The following FANK1 variants were observed in gnomAD, a reference collection of about 807,000 sequenced individuals.
FANK1 encodes fibronectin type 3 and ankyrin repeat domains protein 1.
In FANK1, 44 loss-of-function variants were observed where a neutral mutation model predicts 45.3. The observed-to-expected ratio is 0.97, with a 90% CI of 0.76 to 1.25. The LOEUF (loss-of-function observed/expected upper bound fraction) is 1.25. Among genes scored for constraint, FANK1 ranks in the 50% most tolerant of loss-of-function variants. The probability of loss-of-function intolerance (pLI) is 0.00; values close to 1 mark genes in which losing one functional copy is unlikely to be tolerated. For missense variants in FANK1, 391 were observed against 424.4 expected, an observed-to-expected ratio of 0.92 and a Z score of 0.69; for synonymous variants, 149 against 152.5, an observed-to-expected ratio of 0.98 and a Z score of 0.17.
chr10:126,004,332 GTTACAGTCACTATTCA>G (rs1461281642), intron 6 of FANK1: 12 of 151,596 alleles, frequency 7.9e-5, no homozygotes, highest in Admixed American at 7.9e-4. Flanking sequence ...TTTACCCTCA[GTTACAGTCACTATTCA>G]TTTTTTATTG....
chr10:125,951,588 TCTTA>T (rs924278473), intron 1 of FANK1, among the ~76,000 whole-genome samples: 4 of 152,186 alleles, frequency 2.6e-5, no homozygotes, highest in African/African-American at 7.2e-5. Context: ...TGATTCTCAG[TCTTA>T]CTTCTCTTCT....
chr10:125,975,886 T>G lies in FANK1; in HGVS notation c.14-4275T>G, dbSNP rs563613454. 3.1e-4 allele frequency among the ~76,000 whole-genome samples: 47 copies of G among 152,348 alleles called. 2 individuals carry two copies. In the South Asian group the frequency reaches 9.3e-3, roughly 30 times the overall value. ...ACTGATCCTGTCATTAGCTGGTTAT[T>G]ATGTTGGCTTGTTTGTGTGGTTGCT... On this transcript the variant is annotated intron_variant, in intron 1 of 10. Transcript: ENST00000368693.
At chr10:125,941,036 A>G (rs1335164222) in intron 1 of FANK1, among the ~76,000 whole-genome samples, 1 of 152,212 alleles carries the variant, frequency 6.6e-6, no homozygotes, top group Non-Finnish European at 1.5e-5. Flanking sequence ...TTCCTTTTCT[A>G]CATAGACATG....
chr10:125,934,730 T>TGC, intron 1 of FANK1, among the ~76,000 whole-genome samples: 2 of 13,702 alleles, frequency 1.5e-4, no homozygotes, highest in African/African-American at 5.1e-4. Flanking sequence ...TACCGTTTTT[T>TGC]TTTTTTTTTT....
chr10:125,956,627 G>A (rs561495380), intron 1 of FANK1, among the ~76,000 whole-genome samples: 296 of 152,244 alleles, frequency 1.9e-3, no homozygotes, highest in Non-Finnish European at 3.7e-3. Flanking sequence ...TAATTTTATA[G>A]TTAGGCAGTT....
intron 1 of FANK1, among the ~76,000 whole-genome samples, chr10:125,900,226 C>T (rs1210541284): frequency 2.0e-5 from 3 of 152,296 alleles, no homozygotes; most frequent in African/African-American, 7.2e-5. Flanking sequence ...GTGGTTTTGG[C>T]TCTTGGCTTG....
rs774052046 is a variant in FANK1 at position 125,988,659 on chromosome 10, C to T, written c.300C>T (p.Val100=). The T allele has an allele frequency of 1.9e-6, 3 of 1,614,194 alleles. No homozygotes were observed. The highest frequency in any genetic ancestry group is 2.5e-6 in the Non-Finnish European group (3 of 1,180,038). ...PSGECEYSPL[V]SVSTTREPIS... ...GGGAGTGTGAGTACAGCCCACTCGT[C>T]TCAGTGTCTACAACCAGTGAGTATT... Residue 100 remains valine (V), a synonymous_variant, in exon 3 of 11, where the codon GTC becomes GTT. Transcript: ENST00000368693.
intron 6 of FANK1, among the ~76,000 whole-genome samples, chr10:125,999,712 T>G (rs1952616861): frequency 6.6e-6 from 1 of 152,202 alleles, no homozygotes; most frequent in Non-Finnish European, 1.5e-5. Flanking sequence ...CCTCTCCGTA[T>G]CTCAGTTTCA....
intron 1 of FANK1, among the ~76,000 whole-genome samples, chr10:125,910,728 A>C (rs1253912473): frequency 1.3e-5 from 2 of 152,178 alleles, no homozygotes; most frequent in Non-Finnish European, 2.9e-5. Flanking sequence ...TGCTATTGTG[A>C]TAGGCTGAAT....
chr10:125,904,337 C>T (rs1302351993), intron 1 of FANK1, among the ~76,000 whole-genome samples: 6 of 152,258 alleles, frequency 3.9e-5, no homozygotes, highest in Non-Finnish European at 8.8e-5. Context: ...TAAATAGAAT[C>T]CATAATTTAA....
At chr10:125,944,639 C>T (rs1948656531) in intron 1 of FANK1, among the ~76,000 whole-genome samples, 1 of 152,210 alleles carries the variant, frequency 6.6e-6, no homozygotes, top group South Asian at 2.1e-4. Flanking sequence ...CAAGGAACAC[C>T]TGGCCTGCCC....
intron 1 of FANK1, among the ~76,000 whole-genome samples, chr10:125,928,640 T>C (rs1947544172): frequency 6.6e-6 from 1 of 152,206 alleles, no homozygotes; most frequent in South Asian, 2.1e-4. Context: ...TTAAAAACTT[T>C]TAGTCTTTCT....
intron 3 of FANK1, among the ~76,000 whole-genome samples, chr10:125,993,144 A>C (rs148563982): frequency 6.6e-6 from 1 of 152,186 alleles, no homozygotes; most frequent in Admixed American, 6.5e-5. Context: ...AGCTTAATTC[A>C]TAGGATTTGA....
intron 7 of FANK1, 127 bp downstream of exon 7, chr10:126,005,176 T>G: frequency 2.7e-6 from 3 of 1,105,656 alleles, no homozygotes; most frequent in Non-Finnish European, 3.8e-6. Flanking sequence ...TTTTCTGACT[T>G]AGCAAGAAAG....
At chr10:125,975,700 C>A (rs1178582294) in intron 1 of FANK1, among the ~76,000 whole-genome samples, 2 of 152,162 alleles carry the variant, frequency 1.3e-5, no homozygotes, top group Non-Finnish European at 1.5e-5. Context: ...GGATATTAGA[C>A]CTTTGTCAGA....
chr10:125,947,691 A>C (rs1295655223), intron 1 of FANK1, among the ~76,000 whole-genome samples: 1 of 148,874 alleles, frequency 6.7e-6, no homozygotes, highest in African/African-American at 2.5e-5. Flanking sequence ...CACTGTCAAC[A>C]TTAGACAGAT....
intron 1 of FANK1, among the ~76,000 whole-genome samples, chr10:125,946,843 A>G (rs1403128098): frequency 1.4e-5 from 2 of 141,056 alleles, no homozygotes; most frequent in African/African-American, 2.7e-5. Context: ...GAAGGAAAAA[A>G]TGTTAAGGGC....
In FANK1 at chr10:125,958,911, T is replaced by C. The variant is rs920326065; in HGVS notation, c.14-21250T>C. ...ATTTTTTTGAATTAAGCAGAAATTT[T>C]ATTTCCAAGCTCTTTAAAGATTATT... On this transcript the variant is annotated intron_variant, in intron 1 of 10. Transcript: ENST00000368693. Among the ~76,000 whole-genome samples, 3 of 152,210 alleles carry C rather than the reference T, an allele frequency of 2.0e-5. No homozygotes were observed. The East Asian group carries it at 5.8e-4, about 29-fold the overall frequency.
chr10:125,950,266 G>A lies in FANK1; in HGVS notation c.14-29895G>A, dbSNP rs1220997187. ...GCAGCAAAAGCCAAAATTGACAAAT[G>A]GGATCTAATTAAACTAAAGAGCTTC... On this transcript the variant is annotated intron_variant, in intron 1 of 10. Transcript: ENST00000368693. Among the ~76,000 whole-genome samples, 22 of 151,172 alleles carry A rather than the reference G, an allele frequency of 1.5e-4. No homozygotes were observed. In the East Asian group the frequency reaches 3.5e-3, roughly 24 times the overall value.
Sources: allele counts gnomAD v4.1 joint callset (sites outside exome capture counted in the v4.1 genomes callset), GRCh38; gene constraint gnomAD v4.1.1; transcripts MANE v1.5; gene names NCBI Gene and HGNC (gene_info 2026-07-23, HGNC 2026-07-21).